Variants in MKLN1 observed in about 807,000 individuals in gnomAD.
MKLN1 encodes the protein muskelin.
A neutral mutation model predicts 99.0 loss-of-function variants in MKLN1; 18 were observed. That is an observed-to-expected ratio of 0.18 (90% CI 0.13 to 0.27). The LOEUF is 0.27. Among genes scored for constraint, MKLN1 ranks in the 10% least tolerant of loss-of-function variants. MKLN1 has a pLI of 1.00. For synonymous variants in MKLN1, 288 were observed against 293.2 expected, an observed-to-expected ratio of 0.98 and a Z score of 0.18; for missense variants, 621 against 875.9, an observed-to-expected ratio of 0.71 and a Z score of 3.67.
At chr7:131,384,080 T>TA (rs1482139510) in intron 2 of MKLN1, among the ~76,000 whole-genome samples, 2 of 152,104 alleles carry the variant, frequency 1.3e-5, no homozygotes, top group African/African-American at 4.8e-5. Context: ...TTTCAACACA[T>TA]ACCATTTTCT....
chr7:131,367,956 A>G, intron 1 of MKLN1, among the ~76,000 whole-genome samples: 1 of 152,240 alleles, frequency 6.6e-6, no homozygotes, highest in East Asian at 1.9e-4. Context: ...AGAGGTTAAC[A>G]TCTCTCACTT....
intron 16 of MKLN1, 94 bp from the exon 17 acceptor site, chr7:131,478,529 G>A (rs745536314): frequency 1.5e-6 from 2 of 1,292,768 alleles, no homozygotes; most frequent in African/African-American, 1.5e-5. Context: ...CGTAGTTGCT[G>A]ATAAATGGTC....
rs146436974 is a variant in MKLN1, at chr7:131,364,725, C to T, written c.99-10699C>T. Among the ~76,000 whole-genome samples, 9 of 151,980 alleles carry T rather than the reference C, an allele frequency of 5.9e-5. No homozygotes were observed. The East Asian group carries it at 1.4e-3, about 23-fold the overall frequency. On this transcript the variant is annotated intron_variant, in intron 1 of 17. Coordinates refer to ENST00000352689, the MANE Select transcript of MKLN1 (RefSeq NM_013255.5). ...GCTCCCACTTATAAATGAGAACATA[C>T]GGTAGTTGTGCTGAGGATAATAGTC...
intron 10 of MKLN1, among the ~76,000 whole-genome samples, chr7:131,442,253 A>C (rs1176891636): frequency 1.3e-5 from 2 of 152,178 alleles, no homozygotes; most frequent in Non-Finnish European, 2.9e-5. Flanking sequence ...ACAACATTTA[A>C]AATTATGAAA....
chr7:131,134,850 T>TCC (rs1795624048), intron 1 of MKLN1, among the ~76,000 whole-genome samples: 1 of 152,188 alleles, frequency 6.6e-6, no homozygotes, highest in African/African-American at 2.4e-5. Context: ...AGCACATCTT[T>TCC]CCACTCTTTA....
At chr7:131,231,025 C>T (rs908643641) in intron 3 of MKLN1, among the ~76,000 whole-genome samples, 4 of 140,130 alleles carry the variant, frequency 2.9e-5, no homozygotes, top group Non-Finnish European at 6.0e-5. Flanking sequence ...GAGGCCGAGG[C>T]ACGAGAATCG....
chr7:131,367,500 G>A (rs958358092), intron 1 of MKLN1, among the ~76,000 whole-genome samples: 2 of 152,042 alleles, frequency 1.3e-5, no homozygotes, highest in African/African-American at 4.8e-5. Flanking sequence ...AGAGTGTTGT[G>A]GTCACAATCG....
chr7:131,418,253 C>G (rs980541580), intron 8 of MKLN1, among the ~76,000 whole-genome samples: 2 of 151,696 alleles, frequency 1.3e-5, no homozygotes, highest in African/African-American at 2.4e-5. Flanking sequence ...CCTGTAATCC[C>G]AGCTACTCGG....
intron 15 of MKLN1, among the ~76,000 whole-genome samples, chr7:131,469,525 T>G (rs1796759100): frequency 6.6e-6 from 1 of 152,222 alleles, no homozygotes; most frequent in Middle Eastern, 3.2e-3. Context: ...GACTCTCATC[T>G]GAAGGCTGTA....
At chr7:131,282,349 CAA>C (rs1001483569) in intron 3 of MKLN1, among the ~76,000 whole-genome samples, 21 of 65,668 alleles carry the variant, frequency 3.2e-4, no homozygotes, top group Non-Finnish European at 3.7e-4. Flanking sequence ...AACTCCGTCT[CAA>C]AAAAAAAAAA....
intron 1 of MKLN1, among the ~76,000 whole-genome samples, chr7:131,359,758 G>C (rs1040790739): frequency 2.6e-5 from 4 of 150,970 alleles, no homozygotes; most frequent in African/African-American, 7.3e-5. Flanking sequence ...TTTTGAGACA[G>C]GGTTTCACTC....
chr7:131,192,110 TA>T (rs1412511289), intron 2 of MKLN1, among the ~76,000 whole-genome samples: 6 of 74,692 alleles, frequency 8.0e-5, no homozygotes, highest in Non-Finnish European at 1.5e-4. Context: ...ATATATATAT[TA>T]TATATATACG....
chr7:131,227,477 CTCTTTCTCTCTT>C (rs1365015834), intron 3 of MKLN1, among the ~76,000 whole-genome samples: 2 of 128,836 alleles, frequency 1.6e-5, no homozygotes, highest in African/African-American at 5.5e-5. Flanking sequence ...CTTTCTTTCT[CTCTTTCTCTCTT>C]TCTTTCTCTT....
intron 1 of MKLN1, among the ~76,000 whole-genome samples, chr7:131,117,920 C>T (rs1449846621): frequency 6.6e-6 from 1 of 152,168 alleles, no homozygotes; most frequent in Admixed American, 6.5e-5. Context: ...GGTGTCAAGA[C>T]CATGACTAAG....
chr7:131,463,620 C>A (rs546346708), intron 13 of MKLN1, among the ~76,000 whole-genome samples: 1 of 152,146 alleles, frequency 6.6e-6, no homozygotes, highest in Non-Finnish European at 1.5e-5. Context: ...GTCTAGGTTC[C>A]GTTCTCAAGT....
At chr7:131,306,090 C>G (rs901787787) in intron 3 of MKLN1, among the ~76,000 whole-genome samples, 4 of 152,190 alleles carry the variant, frequency 2.6e-5, no homozygotes, top group African/African-American at 7.2e-5. Context: ...CCCCCTTGCT[C>G]TCTCCCTCCT....
intron 1 of MKLN1, among the ~76,000 whole-genome samples, chr7:131,139,499 A>G (rs1795699948): frequency 6.6e-6 from 1 of 152,072 alleles, no homozygotes; most frequent in Admixed American, 6.6e-5. Context: ...GCTCCTAGAG[A>G]GGCCCCCTGC....
intron 1 of MKLN1, among the ~76,000 whole-genome samples, chr7:131,328,526 A>G (rs1798965688): frequency 6.6e-6 from 1 of 152,134 alleles, no homozygotes; most frequent in Admixed American, 6.5e-5. Flanking sequence ...GAAGGCTGAA[A>G]AGTTGTGGAA....
At chr7:131,204,877 T>C (rs1796784777) in intron 3 of MKLN1, among the ~76,000 whole-genome samples, 1 of 148,016 alleles carries the variant, frequency 6.8e-6, no homozygotes, top group African/African-American at 2.5e-5. Context: ...GAGCTGGCAG[T>C]GAGCCGAGAT....
Sources: gnomAD v4.1 joint callset for allele counts (sites outside exome capture counted in the v4.1 genomes callset) on GRCh38, gnomAD v4.1.1 for gene constraint, MANE v1.5 for transcripts, NCBI Gene and HGNC (gene_info 2026-07-23, HGNC 2026-07-21) for gene names.